Variants in SYN2 observed in about 807,000 individuals in gnomAD.
SYN2 encodes the protein synapsin II, also known as synapsin-2.
SYN2 carries 19 observed loss-of-function variants against 50.9 expected under a neutral mutation model. That is an observed-to-expected ratio of 0.37 (90% CI 0.26 to 0.55). SYN2 has a LOEUF of 0.55. Among genes scored for constraint, SYN2 ranks in the 20% least tolerant of loss-of-function variants. The pLI is 0.81. For missense variants in SYN2, 587 were observed against 576.4 expected (o/e 1.02, Z -0.19); for synonymous variants, 255 against 224.9 (o/e 1.13, Z -1.20).
chr3:12,184,494 A>G (rs1483585164), intron 11 of SYN2: 6 of 985,796 alleles, frequency 6.1e-6, no homozygotes, highest in Non-Finnish European at 7.2e-6. Flanking sequence ...TGGGAGACCA[A>G]ATCAAAAATG....
intron 11 of SYN2, chr3:12,185,782 A>G: frequency 2.0e-6 from 2 of 985,230 alleles, no homozygotes; most frequent in Non-Finnish European, 2.4e-6. Flanking sequence ...ACAAATGGGA[A>G]AGCACTCAGG....
intron 1 of SYN2, among the ~76,000 whole-genome samples, chr3:12,095,452 G>GGA (rs1695909825): frequency 7.8e-6 from 1 of 128,916 alleles, no homozygotes; most frequent in Non-Finnish European, 1.6e-5. Context: ...GGAGACTGAG[G>GGA]CAGGAGAATG....
At chr3:12,170,903 C>T (rs1005976282) in intron 10 of SYN2, among the ~76,000 whole-genome samples, 2 of 152,212 alleles carry the variant, frequency 1.3e-5, no homozygotes, top group African/African-American at 4.8e-5. Flanking sequence ...TTATTAGCTT[C>T]GTGACCAGCA....
intron 1 of SYN2, among the ~76,000 whole-genome samples, chr3:12,062,840 C>G (rs183872899): frequency 2.1e-4 from 32 of 152,100 alleles, no homozygotes; most frequent in African/African-American, 7.7e-4. Context: ...ACCAAGATGT[C>G]CTTCAGTAGG....
At chr3:12,130,744 G>A (rs1318098354) in intron 1 of SYN2, among the ~76,000 whole-genome samples, 2 of 152,182 alleles carry the variant, frequency 1.3e-5, no homozygotes, top group African/African-American at 4.8e-5. Context: ...AGAATAGGAA[G>A]GATGTATAAG....
At chr3:12,165,144 G>A (rs1037057726) in intron 7 of SYN2, among the ~76,000 whole-genome samples, 1 of 151,964 alleles carries the variant, frequency 6.6e-6, no homozygotes, top group African/African-American at 2.4e-5. Flanking sequence ...CCACCACCAT[G>A]CCTGGCTAAT....
intron 10 of SYN2, among the ~76,000 whole-genome samples, chr3:12,177,360 T>G (rs957628834): frequency 2.0e-5 from 3 of 152,192 alleles, no homozygotes; most frequent in African/African-American, 7.2e-5. Context: ...TGTTAGTGTA[T>G]GTGTGGCCCA....
intron 8 of SYN2, among the ~76,000 whole-genome samples, chr3:12,167,957 G>A (rs567032345): frequency 9.8e-5 from 15 of 152,320 alleles, no homozygotes; most frequent in South Asian, 2.1e-4. Context: ...CATTGTGTCC[G>A]TGCCCTGGGG....
chr3:12,108,321 C>T (rs1236891780), intron 1 of SYN2, among the ~76,000 whole-genome samples: 1 of 152,152 alleles, frequency 6.6e-6, no homozygotes, highest in Non-Finnish European at 1.5e-5. Context: ...TGAAGAGTTG[C>T]CCAGTATAGT....
intron 5 of SYN2, among the ~76,000 whole-genome samples, chr3:12,154,133 T>C (rs568177804): frequency 6.6e-6 from 1 of 152,362 alleles, no homozygotes; most frequent in East Asian, 1.9e-4. Flanking sequence ...GTCTGCCTCC[T>C]GTGATGGCCA....
chr3:12,145,068 G>A (rs79293336), intron 3 of SYN2, among the ~76,000 whole-genome samples: 11,945 of 151,738 alleles, frequency 0.079, 579 homozygotes, highest in African/African-American at 0.13. Flanking sequence ...AAACAAAAAA[G>A]GAGAGTACCA....
At chr3:12,157,449 A>C (rs1697491217) in intron 5 of SYN2, 3 of 1,614,076 alleles carry the variant, frequency 1.9e-6, no homozygotes, top group South Asian at 2.2e-5. Flanking sequence ...ACTGGCCGGA[A>C]CTACCTTCTC....
intron 1 of SYN2, among the ~76,000 whole-genome samples, chr3:12,067,424 C>T (rs1574920345): frequency 6.6e-6 from 1 of 152,174 alleles, no homozygotes; most frequent in Admixed American, 6.5e-5. Flanking sequence ...CTCCCTGGTC[C>T]CTACTGTATT....
chr3:12,101,429 G>A (rs1696073344), intron 1 of SYN2, among the ~76,000 whole-genome samples: 2 of 152,110 alleles, frequency 1.3e-5, no homozygotes, highest in Admixed American at 1.3e-4. Context: ...GAAATGTCCA[G>A]AATAGGCAAA....
intron 12 of SYN2, among the ~76,000 whole-genome samples, chr3:12,189,735 G>A (rs1698411247): frequency 6.6e-6 from 1 of 152,156 alleles, no homozygotes. Flanking sequence ...CCGGGAGGCG[G>A]AGGTTGCAGT....
At chr3:12,122,510 C>T (rs1696583025) in intron 1 of SYN2, among the ~76,000 whole-genome samples, 1 of 152,066 alleles carries the variant, frequency 6.6e-6, no homozygotes. Flanking sequence ...CTTCACAAGA[C>T]AGAGTTAAAG....
At chr3:12,164,766 T>C (rs189365984) in intron 7 of SYN2, among the ~76,000 whole-genome samples, 184 of 152,210 alleles carry the variant, frequency 1.2e-3, no homozygotes, top group African/African-American at 4.2e-3. Context: ...TAGAGAATGG[T>C]GTGAAGTGTT....
chr3:12,183,673 G>A (rs995498071), intron 11 of SYN2: 3 of 1,342,580 alleles, frequency 2.2e-6, no homozygotes, highest in African/African-American at 3.0e-5. Flanking sequence ...TGATTCCAGG[G>A]CTGTTTGTCA....
At chr3:12,183,290 C>G in intron 10 of SYN2, 22 bp from the exon 11 acceptor site, 1 of 1,591,282 alleles carries the variant, frequency 6.3e-7, no homozygotes, top group Middle Eastern at 1.7e-4. Flanking sequence ...TTGTTTTTAT[C>G]TCTTACATTT....
Sources: gnomAD v4.1 joint callset for allele counts (sites outside exome capture counted in the v4.1 genomes callset) on GRCh38, gnomAD v4.1.1 for gene constraint, MANE v1.5 for transcripts, NCBI Gene and HGNC (gene_info 2026-07-23, HGNC 2026-07-21) for gene names.